NCOA2: variants seen among roughly 807,000 people sequenced by gnomAD.
NCOA2 encodes the protein class E basic helix-loop-helix protein 75.
A neutral mutation model predicts 145.1 loss-of-function variants in NCOA2; 21 were observed. The ratio of observed to expected loss-of-function variants is 0.14; its 90% CI spans 0.10 to 0.21. The LOEUF is 0.21. NCOA2 is among the 10% of genes least tolerant of loss of function. The pLI, the probability that NCOA2 is intolerant of heterozygous loss-of-function variation, is 1.00. For synonymous variants in NCOA2, 619 were observed against 637.5 expected, an observed-to-expected ratio of 0.97 and a Z score of 0.44; for missense variants, 1,472 against 1,837.6, an observed-to-expected ratio of 0.80 and a Z score of 3.64.
intron 1 of NCOA2, among the ~76,000 whole-genome samples, chr8:70,338,630 A>G (rs1176227664): frequency 1.3e-5 from 2 of 152,154 alleles, no homozygotes; most frequent in Non-Finnish European, 2.9e-5. Context: ...GCAGAAATAC[A>G]AAAAAAGAGA....
At chr8:70,373,301 G>A (rs1195049321) in intron 1 of NCOA2, among the ~76,000 whole-genome samples, 1 of 152,122 alleles carries the variant, frequency 6.6e-6, no homozygotes, top group Non-Finnish European at 1.5e-5. Flanking sequence ...CCATCTTATT[G>A]TGGTTTTAAT....
the NCOA2 span, among the ~76,000 whole-genome samples, chr8:70,450,573 C>CTT: frequency 3.4e-3 from 322 of 94,594 alleles, 7 homozygotes; most frequent in African/African-American, 9.3e-3. Context: ...TCTTTTTATT[C>CTT]TTTTTTTTTT....
chr8:70,249,216 G>C (rs1181676546), intron 2 of NCOA2, among the ~76,000 whole-genome samples: 1 of 152,164 alleles, frequency 6.6e-6, no homozygotes, highest in African/African-American at 2.4e-5. Flanking sequence ...ACATTGAAGA[G>C]CAGACACCAT....
chr8:70,201,048 T>TCAAA (rs1817831464), intron 4 of NCOA2, among the ~76,000 whole-genome samples: 2 of 20,444 alleles, frequency 9.8e-5, no homozygotes, highest in African/African-American at 2.8e-4. Flanking sequence ...AGACTGTGTC[T>TCAAA]CAAAAAAAAA....
chr8:70,442,063 G>A, the NCOA2 span, among the ~76,000 whole-genome samples: 1 of 123,582 alleles, frequency 8.1e-6, no homozygotes, highest in Non-Finnish European at 1.8e-5. Context: ...GAAAGAGAGA[G>A]AAAGAGGAAA....
At position 70,156,799 on chromosome 8, in the gene NCOA2, G is replaced by A. The variant is rs376908010; in HGVS notation, c.1566C>T (p.Ser522=). ...TGGTATAACTATGGCTATTTCCTGT[G>A]CTGCTGCAAACTCCCACAGGGGAAT... ...SLHSPVGVCS[S]TGNSHSYTNS... is the part of the protein sequence containing the mutation. Residue 522 remains serine, a synonymous_variant, in exon 11 of 23, where the codon AGC becomes AGT. Transcript: ENST00000452400. 1.4e-5 allele frequency: 23 copies of A among 1,613,880 alleles called. No individual in the cohort carries two copies. Among genetic ancestry groups the A allele is most frequent in the Middle Eastern group, 1.6e-4 (1 of 6,082 alleles).
At chr8:70,160,045 T>C (rs923250769) in intron 9 of NCOA2, among the ~76,000 whole-genome samples, 1 of 152,224 alleles carries the variant, frequency 6.6e-6, no homozygotes, top group African/African-American at 2.4e-5. Flanking sequence ...GTATACAATA[T>C]GACTTTAATT....
intron 2 of NCOA2, among the ~76,000 whole-genome samples, chr8:70,220,780 A>G (rs560891144): frequency 6.6e-6 from 1 of 152,334 alleles, no homozygotes; most frequent in East Asian, 1.9e-4. Flanking sequence ...AATTTATGTA[A>G]ACGATAATAT....
At chr8:70,214,878 C>T (rs949382065) in intron 3 of NCOA2, among the ~76,000 whole-genome samples, 4 of 151,992 alleles carry the variant, frequency 2.6e-5, no homozygotes, top group Non-Finnish European at 5.9e-5. Context: ...CAAAACAATA[C>T]AATAAGGAAG....
intron 15 of NCOA2, among the ~76,000 whole-genome samples, 179 bp from the exon 16 acceptor site, chr8:70,132,181 C>T (rs913246113): frequency 6.6e-6 from 1 of 152,170 alleles, no homozygotes; most frequent in Non-Finnish European, 1.5e-5. Context: ...TTATTCAGTG[C>T]CCAATACAGG....
chr8:70,337,200 AGTGTGTGT>A lies in NCOA2; in HGVS notation c.-76-40408_-76-40401del, dbSNP rs72265721. On this transcript the variant is annotated intron_variant, in intron 1 of 22. Transcript: ENST00000452400. ...TTTAGCCTACCCAGCACTGCTGAGG[AGTGTGTGT>A]GTGTGTGTGTGTGTGTGTGTGTGGT... Among the ~76,000 whole-genome samples, 898 of 146,324 alleles carry A rather than the reference AGTGTGTGT, an allele frequency of 6.1e-3. 6 individuals carry two copies. The highest frequency in any genetic ancestry group is 0.021 in the African/African-American group (830 of 40,336).
chr8:70,132,053 G>A (rs1481852184), intron 15 of NCOA2, 51 bp from the exon 16 acceptor site: 1 of 1,551,572 alleles, frequency 6.4e-7, no homozygotes, highest in Admixed American at 1.9e-5. Context: ...TAGTTGATTA[G>A]AGAACAAATT....
chr8:70,422,548 C>T, the NCOA2 span, among the ~76,000 whole-genome samples: 1 of 151,874 alleles, frequency 6.6e-6, no homozygotes, highest in South Asian at 2.1e-4. Context: ...GTAGCTAGGA[C>T]TACAGGTGTG....
At chr8:70,273,586 T>C in intron 2 of NCOA2, 1 of 761,526 alleles carries the variant, frequency 1.3e-6, no homozygotes. Flanking sequence ...TTAACAACCC[T>C]AAAGCCCAGA....
At chr8:70,260,571 T>C (rs1395228286) in intron 2 of NCOA2, among the ~76,000 whole-genome samples, 1 of 152,208 alleles carries the variant, frequency 6.6e-6, no homozygotes, top group African/African-American at 2.4e-5. Flanking sequence ...GGTAGGCACA[T>C]ACCTAACCAT....
chr8:70,117,958 T>C (rs758556554), intron 22 of NCOA2, among the ~76,000 whole-genome samples: 1 of 152,234 alleles, frequency 6.6e-6, no homozygotes, highest in Non-Finnish European at 1.5e-5. Flanking sequence ...GGAGGTTACA[T>C]GGCAGCTGAA....
At chr8:70,227,202 T>TCC (rs1039499320) in intron 2 of NCOA2, among the ~76,000 whole-genome samples, 1 of 152,178 alleles carries the variant, frequency 6.6e-6, no homozygotes, top group Non-Finnish European at 1.5e-5. Flanking sequence ...AGAAACTCAC[T>TCC]CCTTCTTCCC....
At chr8:70,286,041 T>C (rs747067934) in intron 2 of NCOA2, among the ~76,000 whole-genome samples, 3 of 152,226 alleles carry the variant, frequency 2.0e-5, no homozygotes, top group Non-Finnish European at 2.9e-5. Flanking sequence ...ATAAAAAGCA[T>C]ATTATGCCTA....
At chr8:70,421,832 T>C in the NCOA2 span, among the ~76,000 whole-genome samples, 3 of 151,658 alleles carry the variant, frequency 2.0e-5, no homozygotes, top group African/African-American at 4.8e-5. Context: ...CAGTGGCTCA[T>C]GCCTGTAATC....
Sources: gnomAD v4.1 joint callset for allele counts (sites outside exome capture counted in the v4.1 genomes callset) on GRCh38, gnomAD v4.1.1 for gene constraint, MANE v1.5 for transcripts, NCBI Gene and HGNC (gene_info 2026-07-23, HGNC 2026-07-21) for gene names.